FRK: variants seen among roughly 807,000 people sequenced by gnomAD.
FRK encodes the protein fyn related Src family tyrosine kinase.
Under a neutral mutation model 56.4 loss-of-function variants are expected in FRK, and 51 were observed. The observed-to-expected ratio is 0.90, with a 90% CI of 0.72 to 1.14. FRK has a LOEUF of 1.14. Ranked by LOEUF, FRK falls within the 50% of genes most tolerant of loss-of-function variation. The pLI is 0.00. For synonymous variants in FRK, 245 were observed against 217.9 expected (o/e 1.12, Z -1.10); for missense variants, 570 against 601.4 (o/e 0.95, Z 0.55).
At chr6:116,097,159 C>T in the FRK span, among the ~76,000 whole-genome samples, 1 of 152,294 alleles carries the variant, frequency 6.6e-6, no homozygotes, top group Admixed American at 6.5e-5. Context: ...AAATATTCCT[C>T]ATGCAGGACT....
chr6:116,065,667 C>A (rs1376295391), upstream of FRK, among the ~76,000 whole-genome samples: 3 of 152,212 alleles, frequency 2.0e-5, no homozygotes, highest in Admixed American at 1.3e-4. Context: ...GAATTGACCA[C>A]TCTCTCATTT....
chr6:115,951,358 G>T (rs1772743826), intron 5 of FRK, among the ~76,000 whole-genome samples: 1 of 152,046 alleles, frequency 6.6e-6, no homozygotes, highest in African/African-American at 2.4e-5. Context: ...ACAACTATAT[G>T]AAGTAAGTAT....
intron 1 of FRK, among the ~76,000 whole-genome samples, chr6:116,051,852 T>A (rs1485789703): frequency 1.3e-5 from 2 of 152,108 alleles, no homozygotes; most frequent in Admixed American, 6.6e-5. Flanking sequence ...ACAGTAAAAA[T>A]CTATTAATAT....
At chr6:116,041,606 G>A (rs1776715668) in intron 1 of FRK, among the ~76,000 whole-genome samples, 1 of 152,148 alleles carries the variant, frequency 6.6e-6, no homozygotes, top group Non-Finnish European at 1.5e-5. Context: ...AGGGCAAGCA[G>A]AAGAATGAGG....
chr6:115,990,381 G>A (rs1774551351), intron 2 of FRK, among the ~76,000 whole-genome samples: 1 of 151,784 alleles, frequency 6.6e-6, no homozygotes, highest in African/African-American at 2.4e-5. Flanking sequence ...ATTTTCCTAG[G>A]TTTTCCTATA....
intron 3 of FRK, 129 bp from the exon 4 acceptor site, chr6:115,967,848 T>C (rs184033507): frequency 1.1e-3 from 739 of 696,200 alleles, no homozygotes; most frequent in Non-Finnish European, 1.5e-3. Context: ...AACTGTATTA[T>C]AATTACTTCA....
In FRK at chr6:115,933,903, G is replaced by C. The variant is rs1443283168; in HGVS notation, c.*8511C>G. 6.6e-6 allele frequency: 1 copy of C among 151,914 alleles called. No individual in the cohort carries two copies. Among genetic ancestry groups the C allele is most frequent in the African/African-American group, 2.4e-5 (1 of 41,316 alleles). The allele number at this position is 151,914 out of a possible 1,614,324, so 9.4% of individuals were successfully genotyped here. A position where few individuals can be genotyped will look rare whatever the true frequency, so the allele number is the denominator to read the frequency against. ...TTATCTTAGAAATACTGTTTATAAA[G>C]GAATCAAGGGGTTCTATAATCTTTA... On this transcript the variant is annotated 3_prime_UTR_variant, in exon 8 of 8. Coordinates refer to ENST00000606080, the MANE Select transcript of FRK (RefSeq NM_002031.3).
rs1771997099 is a variant in FRK, at chr6:115,933,733, G to C, written c.*8681C>G. 6.6e-6 allele frequency: 1 copy of C among 152,036 alleles called. No homozygotes were observed. The highest frequency in any genetic ancestry group is 6.6e-5 in the Admixed American group (1 of 15,262). 9.4% of individuals were successfully genotyped at this position (152,036 alleles called of 1,614,324 possible). A position where few individuals can be genotyped will look rare whatever the true frequency, so the allele number is the denominator to read the frequency against. On this transcript the variant is annotated 3_prime_UTR_variant, in exon 8 of 8. Transcript: ENST00000606080. ...GCGCAAGAAAAATTAAACATGAAAT[G>C]AATTCAAAGAAAAGGAACTATTTTC... is the stretch of plus-strand genomic sequence containing the variant.
At chr6:115,987,888 A>G (rs904828984) in intron 2 of FRK, among the ~76,000 whole-genome samples, 2 of 152,090 alleles carry the variant, frequency 1.3e-5, no homozygotes, top group Non-Finnish European at 2.9e-5. Flanking sequence ...TTATGTAAAA[A>G]TGAAAGTATA....
At chr6:116,041,618 G>A (rs538350997) in intron 1 of FRK, among the ~76,000 whole-genome samples, 11 of 152,224 alleles carry the variant, frequency 7.2e-5, no homozygotes, top group South Asian at 6.2e-4. Flanking sequence ...AGAATGAGGC[G>A]TCGCCTCACC....
In FRK at chr6:115,934,975, G is replaced by T. The variant is rs1772019039; in HGVS notation, c.*7439C>A. ...AAAAAAACTTTCATAACCAAGTTTG[G>T]ACATTATTCCTAGCCTCTAGTTCTG... On this transcript the variant is annotated 3_prime_UTR_variant, in exon 8 of 8. Coordinates refer to ENST00000606080, the MANE Select transcript of FRK (RefSeq NM_002031.3). 6.6e-6 allele frequency: 1 copy of T among 151,894 alleles called. No individual in the cohort carries two copies. Among genetic ancestry groups the T allele is most frequent in the African/African-American group, 2.4e-5 (1 of 41,322 alleles). The allele number at this position is 151,894 out of a possible 1,614,324, so 9.4% of individuals were successfully genotyped here.
chr6:116,047,854 T>A (rs1777036068), intron 1 of FRK, among the ~76,000 whole-genome samples: 1 of 152,232 alleles, frequency 6.6e-6, no homozygotes, highest in Non-Finnish European at 1.5e-5. Flanking sequence ...AGTCTCCACT[T>A]TTGTCACATT....
chr6:116,027,794 G>T (rs1057071758), intron 1 of FRK, among the ~76,000 whole-genome samples: 2 of 150,216 alleles, frequency 1.3e-5, no homozygotes, highest in Non-Finnish European at 3.0e-5. Flanking sequence ...CATTATAAAA[G>T]ACATTAAAAG....
At position 115,934,363 on chromosome 6, in the gene FRK, A is replaced by G. The variant is rs1449812799; in HGVS notation, c.*8051T>C. 3 of 152,122 alleles carry G rather than the reference A, an allele frequency of 2.0e-5. No homozygotes were observed. The highest frequency in any genetic ancestry group is 2.9e-5 in the Non-Finnish European group (2 of 68,028). The allele number at this position is 152,122 out of a possible 1,614,324, so 9.4% of individuals were successfully genotyped here. On this transcript the variant is annotated 3_prime_UTR_variant, in exon 8 of 8. Coordinates refer to ENST00000606080, the MANE Select transcript of FRK (RefSeq NM_002031.3). The stretch of plus-strand genomic sequence containing the variant: ...TTTTTGGTCCATGGCTGGGCATAGG[A>G]CCCAAGTTTGCTGGAACACAAAAAT...
At chr6:116,032,664 G>A (rs1222915917) in intron 1 of FRK, among the ~76,000 whole-genome samples, 2 of 152,086 alleles carry the variant, frequency 1.3e-5, no homozygotes, top group Non-Finnish European at 2.9e-5. Flanking sequence ...CAACTAAAAT[G>A]TCAAGTAGCA....
chr6:115,943,029 G>C lies in FRK; in HGVS notation c.1297C>G (p.Pro433Ala). 3 of 1,611,556 alleles carry C rather than the reference G, an allele frequency of 1.9e-6. No homozygotes were observed. The highest frequency in any genetic ancestry group is 2.2e-5 in the East Asian group (1 of 44,838). Residue 433 changes from proline to alanine, a missense_variant, in exon 7 of 8, where the codon CCT becomes GCT. By Grantham distance (27) the Pro-to-Ala change is conservative. Coordinates refer to ENST00000606080, the MANE Select transcript of FRK (RefSeq NM_002031.3). ...AGAATTAATTACTCACCACTGTAAG[G>C]CATTTTGCCATAAGTAATGATTTCA... ...LYEIITYGKM[P>A]YSGMTGAQVI... is the part of the protein sequence containing the mutation.
chr6:115,967,749 T>TAAA (rs11398565), intron 3 of FRK, 30 bp from the exon 4 acceptor site: 12,902 of 1,203,146 alleles, frequency 0.011, 8 homozygotes, highest in East Asian at 0.033. Context: ...GAGCAATTGT[T>TAAA]AAAAAAAAAA....
chr6:116,091,192 G>A, the FRK span, among the ~76,000 whole-genome samples: 1 of 152,078 alleles, frequency 6.6e-6, no homozygotes, highest in Admixed American at 6.6e-5. Flanking sequence ...AGCACTCTGT[G>A]TCTAGCTAAA....
At chr6:115,969,068 C>G (rs1159828139) in intron 2 of FRK, among the ~76,000 whole-genome samples, 1 of 152,102 alleles carries the variant, frequency 6.6e-6, no homozygotes, top group Non-Finnish European at 1.5e-5. Flanking sequence ...AGAAGGACAC[C>G]TTACCATTTT....
Sources: gnomAD v4.1 joint callset for allele counts (sites outside exome capture counted in the v4.1 genomes callset) on GRCh38, gnomAD v4.1.1 for gene constraint, MANE v1.5 for transcripts, NCBI Gene and HGNC (gene_info 2026-07-23, HGNC 2026-07-21) for gene names.